Variants in SLC15A5 observed in about 807,000 individuals in gnomAD.
The protein encoded by SLC15A5 is Peptide/histidine transporter ENSP00000340402.
In SLC15A5, 58 loss-of-function variants were observed where a neutral mutation model predicts 56.1. The observed-to-expected ratio is 1.03, with a 90% confidence interval of 0.84 to 1.29. SLC15A5 has a LOEUF of 1.29. SLC15A5 is among the 50% of genes most tolerant of loss of function. The pLI is 0.00. For synonymous variants in SLC15A5, 264 were observed against 250.5 expected (o/e 1.05, Z -0.51); for missense variants, 681 against 672.1 (o/e 1.01, Z -0.15).
intron 5 of SLC15A5, among the ~76,000 whole-genome samples, chr12:16,238,625 G>A (rs867993549): frequency 1.5e-3 from 66 of 43,166 alleles, no homozygotes; most frequent in East Asian, 0.011. Context: ...GCGAGACTCC[G>A]TCTCAAAAAA....
At chr12:16,253,716 T>G (rs944849500) in intron 3 of SLC15A5, among the ~76,000 whole-genome samples, 7 of 151,986 alleles carry the variant, frequency 4.6e-5, no homozygotes, top group East Asian at 3.9e-4. Context: ...GAAATAATAA[T>G]AAGAAGATGT....
chr12:16,268,308 C>T lies in SLC15A5; in HGVS notation c.584+4253G>A, dbSNP rs745776662. On this transcript the variant is annotated intron_variant, in intron 2 of 8. Coordinates refer to ENST00000344941, the MANE Select transcript of SLC15A5 (RefSeq NM_001170798.1). ...AGGAGAATTGCTTGAACCCGGGAGA[C>T]GGAGGTTGCAGTGAGCTCAGATCGC... 6.3e-4 allele frequency among the ~76,000 whole-genome samples: 30 copies of T among 47,998 alleles called. 7 individuals carry two copies. The highest frequency in any genetic ancestry group is 1.8e-3 in the African/African-American group (21 of 11,640). The allele number at this position is 47,998 out of a possible 152,430, so 31.5% of individuals were successfully genotyped here.
At position 16,224,573 on chromosome 12, in the gene SLC15A5, C is replaced by G; in HGVS notation, c.1192G>C (p.Val398Leu). 1.3e-6 allele frequency: 2 copies of G among 1,533,940 alleles called. No homozygotes were observed. Among genetic ancestry groups the G allele is most frequent in the Non-Finnish European group, 1.7e-6 (2 of 1,145,638 alleles). ...IAGNLFAALS[V>L]MIAGFFEIHR... Reference sequence around the variant, plus strand: ...ATTTCAAAGAAGCCAGCTATCATCACAGACAATGCAGCAAAAAGATTTCCA... The same window carrying G: ...ATTTCAAAGAAGCCAGCTATCATCAGAGACAATGCAGCAAAAAGATTTCCA... The change falls in exon 6 of 9, where the codon GTG (valine) becomes CTG (leucine). Residue 398 changes from valine to leucine, a missense_variant. Physicochemically the swap from Val to Leu is conservative, Grantham distance 32 (BLOSUM62 1). Transcript: ENST00000344941.
At chr12:16,265,540 A>G (rs576208842) in intron 2 of SLC15A5, among the ~76,000 whole-genome samples, 26 of 152,300 alleles carry the variant, frequency 1.7e-4, no homozygotes, top group Admixed American at 1.4e-3. Context: ...GTACAGTAGC[A>G]TGACCTTGAC....
chr12:16,243,923 G>C lies in SLC15A5; in HGVS notation c.975+657C>G, dbSNP rs533047328. 6.6e-6 allele frequency among the ~76,000 whole-genome samples: 1 copy of C among 152,162 alleles called. No homozygotes were observed. The highest frequency in any genetic ancestry group is 1.5e-5 in the Non-Finnish European group (1 of 68,038). ...AAGTTGGGAGTTAGCAATGAACAAA[G>C]TCCCAGATTTGTTCAAATACTTTTG... On this transcript the variant is annotated intron_variant, in intron 4 of 8. Coordinates refer to ENST00000344941, the MANE Select transcript of SLC15A5 (RefSeq NM_001170798.1). The surrounding 1 kb of genome is among the most constrained non-coding windows in gnomAD (Gnocchi z 4.4).
At chr12:16,274,004 A>G (rs1864790402) in intron 1 of SLC15A5, among the ~76,000 whole-genome samples, 1 of 151,098 alleles carries the variant, frequency 6.6e-6, no homozygotes, top group African/African-American at 2.4e-5. Flanking sequence ...TTGAGGTTAC[A>G]CTGTTGAGTT....
Position 16,244,730 on chromosome 12 carries a change from A to G in SLC15A5, c.825T>C (p.His275=), listed in dbSNP as rs1864445187. 2 of 1,537,586 alleles carry G rather than the reference A, an allele frequency of 1.3e-6. No individual in the cohort carries two copies. Among genetic ancestry groups the G allele is most frequent in the African/African-American group, 2.7e-5 (2 of 73,058 alleles). ...ALKTCHPQYC[H]LGRDVTSQLD... ...ACTGGCTTGTCACGTCTCTGCCAAG[A>G]TGGCAGTATTGCGGGTGGCATGTTT... is the stretch of plus-strand genomic sequence containing the variant. Residue 275 remains histidine (H), a synonymous_variant, in exon 4 of 9, where the codon CAT becomes CAC. Transcript: ENST00000344941.
At chr12:16,270,782 C>T (rs1248173377) in intron 2 of SLC15A5, among the ~76,000 whole-genome samples, 1 of 152,042 alleles carries the variant, frequency 6.6e-6, no homozygotes, top group Non-Finnish European at 1.5e-5. Context: ...TGTCACCAGC[C>T]CCCGCACTGT....
rs1864755358 is a variant in SLC15A5 at position 16,271,476 on chromosome 12, A to G, written c.584+1085T>C. ...TGCAAGGAAGTAAAGAGTCCCTTCT[A>G]CCTTTGGTAAGACTGCATTGTTCTC... On this transcript the variant is annotated intron_variant, in intron 2 of 8. Transcript: ENST00000344941. This position sits in a 1 kb window ranked among gnomAD's most constrained non-coding sequence, Gnocchi z 8.0. Among the ~76,000 whole-genome samples the G allele has an allele frequency of 6.6e-6, 1 of 152,186 alleles. No individual in the cohort carries two copies.
At chr12:16,216,792 A>C (rs1318689677) in intron 7 of SLC15A5, 101 bp downstream of exon 7, 1 of 1,029,220 alleles carries the variant, frequency 9.7e-7, no homozygotes, top group Non-Finnish European at 1.3e-6. Context: ...GGATCAATTA[A>C]AAAAAGACTG....
chr12:16,240,005 G>A lies in SLC15A5; in HGVS notation c.976-138C>T, dbSNP rs983823442. ...TGTTGCCTAGTTTTTCAAGTTCCCAGTTATGAGCTGATAAAGGGTCTTCAT... is the reference window on the plus strand; with the variant it reads ...TGTTGCCTAGTTTTTCAAGTTCCCAATTATGAGCTGATAAAGGGTCTTCAT... On this transcript the variant is annotated intron_variant, in intron 4 of 8. Transcript: ENST00000344941. 33 of 742,728 alleles carry A rather than the reference G, an allele frequency of 4.4e-5. No individual in the cohort carries two copies. In the African/African-American group the frequency reaches 4.8e-4, roughly 11 times the overall value. The allele number at this position is 742,728 out of a possible 1,614,324, so 46.0% of individuals were successfully genotyped here.
rs12427112 is a variant in SLC15A5, at chr12:16,219,426, A to G, written c.1352-2402T>C. Among the ~76,000 whole-genome samples, 390 of 152,344 alleles carry G rather than the reference A, an allele frequency of 2.6e-3. 8 individuals carry two copies. The highest frequency in any genetic ancestry group is 0.022 in the Admixed American group (337 of 15,302). On this transcript the variant is annotated intron_variant, in intron 6 of 8. Transcript: ENST00000344941. ...CTTATAAACTTTCCTTTCCATAAGT[A>G]CAAGGAGACAAGCAATGAGCAGAAA...
chr12:16,246,520 G>A (rs1864462736), intron 3 of SLC15A5, among the ~76,000 whole-genome samples: 1 of 152,142 alleles, frequency 6.6e-6, no homozygotes, highest in Non-Finnish European at 1.5e-5. Flanking sequence ...TCATCAACCT[G>A]TTCTCTGCTA....
At chr12:16,206,670 T>C (rs1864022836) in intron 7 of SLC15A5, among the ~76,000 whole-genome samples, 1 of 152,142 alleles carries the variant, frequency 6.6e-6, no homozygotes, top group South Asian at 2.1e-4. Context: ...TGAGCTGAGA[T>C]TGGGCCTCAG....
At chr12:16,260,792 T>A (rs1315765969) in intron 2 of SLC15A5, among the ~76,000 whole-genome samples, 2 of 151,970 alleles carry the variant, frequency 1.3e-5, no homozygotes, top group Non-Finnish European at 2.9e-5. Flanking sequence ...TGGGTTTTGA[T>A]CTCATATAAA....
intron 6 of SLC15A5, among the ~76,000 whole-genome samples, chr12:16,221,610 T>A (rs1864188516): frequency 6.6e-6 from 1 of 152,180 alleles, no homozygotes; most frequent in African/African-American, 2.4e-5. Context: ...CCATTGTGAA[T>A]AATTTATCTC....
intron 4 of SLC15A5, among the ~76,000 whole-genome samples, chr12:16,241,736 AC>A (rs1289860901): frequency 6.6e-6 from 1 of 152,244 alleles, no homozygotes; most frequent in African/African-American, 2.4e-5. Flanking sequence ...GGCTCCCAGC[AC>A]AACTTGGAAG....
chr12:16,253,194 G>A (rs1164898849), intron 3 of SLC15A5, among the ~76,000 whole-genome samples: 1 of 151,980 alleles, frequency 6.6e-6, no homozygotes, highest in Non-Finnish European at 1.5e-5. Flanking sequence ...AAACTATAGG[G>A]CAACAGCTTC....
At chr12:16,231,022 G>C (rs902217752) in intron 5 of SLC15A5, among the ~76,000 whole-genome samples, 1 of 152,150 alleles carries the variant, frequency 6.6e-6, no homozygotes. Context: ...GTCTCCACCA[G>C]TATGATTCTT....
Sources: gnomAD v4.1 joint callset for allele counts (sites outside exome capture counted in the v4.1 genomes callset) on GRCh38, gnomAD v4.1.1 for gene constraint, Gnocchi (gnomAD v3.1) non-coding constraint, MANE v1.5 for transcripts, NCBI Gene and HGNC (gene_info 2026-07-23, HGNC 2026-07-21) for gene names.